The following RBFOX1 variants were observed in gnomAD, a reference collection of about 807,000 sequenced individuals.
RBFOX1 encodes RNA binding protein fox-1 homolog 1.
Under a neutral mutation model 57.7 loss-of-function variants are expected in RBFOX1, and 8 were observed. That is an observed-to-expected ratio of 0.14 (90% CI 0.08 to 0.25). RBFOX1 has a LOEUF of 0.25. Ranked by LOEUF, RBFOX1 falls within the 10% of genes least tolerant of loss-of-function variation. RBFOX1 has a pLI of 1.00. For missense variants in RBFOX1, 611 were observed against 548.5 expected (o/e 1.11, Z -1.14); for synonymous variants, 326 against 222.4 (o/e 1.47, Z -4.15).
intron 4 of RBFOX1, among the ~76,000 whole-genome samples, chr16:5,979,582 G>A (rs925590585): frequency 6.6e-6 from 1 of 152,292 alleles, no homozygotes. Context: ...AAATGCAGCT[G>A]GCTGGGCATG....
chr16:6,882,161 T>A (rs1290212172), intron 3 of RBFOX1, among the ~76,000 whole-genome samples: 1 of 152,156 alleles, frequency 6.6e-6, no homozygotes, highest in Admixed American at 6.5e-5. Flanking sequence ...GCCTCATTAA[T>A]TCTGTCTCTA....
chr16:5,326,983 G>A (rs1029401094), intron 1 of RBFOX1, among the ~76,000 whole-genome samples: 1 of 152,174 alleles, frequency 6.6e-6, no homozygotes, highest in Non-Finnish European at 1.5e-5. Flanking sequence ...TCCGTTCTTT[G>A]TAAAGCAGAA....
At chr16:6,614,818 C>T (rs1049925291) in intron 2 of RBFOX1, among the ~76,000 whole-genome samples, 1 of 152,178 alleles carries the variant, frequency 6.6e-6, no homozygotes, top group African/African-American at 2.4e-5. Context: ...TAGGGACTCA[C>T]CCTACTCCAG....
intron 3 of RBFOX1, among the ~76,000 whole-genome samples, chr16:6,692,018 C>T (rs1418226611): frequency 6.6e-6 from 1 of 152,166 alleles, no homozygotes; most frequent in African/African-American, 2.4e-5. Flanking sequence ...GGAAACACAG[C>T]CCTGCCTGTT....
At chr16:6,313,469 C>T (rs1034981984) in intron 1 of RBFOX1, among the ~76,000 whole-genome samples, 2 of 152,144 alleles carry the variant, frequency 1.3e-5, no homozygotes, top group Non-Finnish European at 2.9e-5. Flanking sequence ...GAAACAGAAA[C>T]GTTGCAGTAG....
intron 4 of RBFOX1, among the ~76,000 whole-genome samples, chr16:7,437,414 G>A (rs1013302197): frequency 1.2e-4 from 18 of 152,100 alleles, no homozygotes; most frequent in African/African-American, 4.1e-4. Context: ...AGATTCTGTG[G>A]AAAGGATGTT....
intron 4 of RBFOX1, among the ~76,000 whole-genome samples, chr16:7,292,060 T>G (rs1422995042): frequency 1.3e-5 from 1 of 76,070 alleles, no homozygotes; most frequent in Non-Finnish European, 2.5e-5. Context: ...ACATATTGTA[T>G]ATATTATATA....
chr16:5,976,402 G>A (rs929069488), intron 4 of RBFOX1, among the ~76,000 whole-genome samples: 5 of 152,114 alleles, frequency 3.3e-5, no homozygotes, highest in South Asian at 2.1e-4. Flanking sequence ...CGGAATAAAC[G>A]CTAATTACCA....
chr16:7,065,321 T>C (rs2055697634), intron 4 of RBFOX1, among the ~76,000 whole-genome samples: 1 of 152,082 alleles, frequency 6.6e-6, no homozygotes, highest in South Asian at 2.1e-4. Context: ...TAATCTGCTT[T>C]CTTCAGGTGC....
chr16:6,573,954 C>T (rs1403616698), intron 2 of RBFOX1: 1 of 152,224 alleles, frequency 6.6e-6, no homozygotes, highest in Non-Finnish European at 1.5e-5. Flanking sequence ...CGAGGTTATA[C>T]CCTCGCTTAG....
chr16:5,417,130 G>C (rs2067182892), intron 1 of RBFOX1, among the ~76,000 whole-genome samples: 1 of 152,236 alleles, frequency 6.6e-6, no homozygotes, highest in Non-Finnish European at 1.5e-5. Context: ...GGATAATTAA[G>C]ATGCATATGC....
intron 5 of RBFOX1, among the ~76,000 whole-genome samples, chr16:7,546,008 A>T (rs941436633): frequency 4.3e-5 from 4 of 92,900 alleles, no homozygotes; most frequent in African/African-American, 1.4e-4. Context: ...TGTGACTCTG[A>T]GCTTATAAAA....
rs1032007089 is a variant in RBFOX1, at chr16:5,926,464, G to A, written c.351+59129G>A. ...TCTAGTGTAGGCAGGGCAGGAGTTA[G>A]GGATGCCAGAAGTCCTGCAGTGAGT... is the stretch of plus-strand genomic sequence containing the variant. On this transcript the variant is annotated intron_variant, in intron 4 of 19. Transcript: ENST00000641259. Among the ~76,000 whole-genome samples, 13 of 152,126 alleles carry A rather than the reference G, an allele frequency of 8.5e-5. 1 individual carries two copies. The highest frequency in any genetic ancestry group is 7.2e-4 in the Admixed American group (11 of 15,272).
chr16:6,466,274 C>A (rs1210082487), intron 2 of RBFOX1, among the ~76,000 whole-genome samples: 1 of 151,486 alleles, frequency 6.6e-6, no homozygotes, highest in Non-Finnish European at 1.5e-5. Flanking sequence ...TTGAAATCAT[C>A]CATGGTTATA....
At chr16:7,060,523 C>G (rs1410215823) in intron 4 of RBFOX1, among the ~76,000 whole-genome samples, 4 of 152,158 alleles carry the variant, frequency 2.6e-5, no homozygotes, top group Admixed American at 2.6e-4. Context: ...ATACCTTCTG[C>G]CATTCTCAAA....
intron 3 of RBFOX1, among the ~76,000 whole-genome samples, chr16:7,039,208 AT>A (rs1306530732): frequency 6.6e-6 from 1 of 152,206 alleles, no homozygotes; most frequent in African/African-American, 2.4e-5. Flanking sequence ...AGCTTTCAGC[AT>A]TTGGGTTTAT....
chr16:5,617,693 G>GT (rs1207553192), intron 3 of RBFOX1, among the ~76,000 whole-genome samples: 3 of 152,210 alleles, frequency 2.0e-5, no homozygotes, highest in African/African-American at 7.2e-5. Flanking sequence ...GAAAGCTAGT[G>GT]TTTTTTCTGT....
chr16:6,387,974 ATTTTTT>A (rs61603572), intron 2 of RBFOX1, among the ~76,000 whole-genome samples: 9 of 84,152 alleles, frequency 1.1e-4, no homozygotes, highest in African/African-American at 4.8e-4. Context: ...TTTGTGGAAC[ATTTTTT>A]TTTTTTTTTT....
At chr16:7,416,547 G>A (rs2149248006) in intron 4 of RBFOX1, among the ~76,000 whole-genome samples, 2 of 152,194 alleles carry the variant, frequency 1.3e-5, no homozygotes, top group Middle Eastern at 6.8e-3. Context: ...CAGAAGATCG[G>A]GGCTAATGTA....
Sources: gnomAD v4.1 joint callset for allele counts (sites outside exome capture counted in the v4.1 genomes callset) on GRCh38, gnomAD v4.1.1 for gene constraint, MANE v1.5 for transcripts, NCBI Gene and HGNC (gene_info 2026-07-23, HGNC 2026-07-21) for gene names.